SATB2: variants seen among roughly 807,000 people sequenced by gnomAD.
The protein encoded by SATB2 is DNA-binding protein SATB2.
Under a neutral mutation model 73.4 loss-of-function variants are expected in SATB2, and 1 was observed. That is an observed-to-expected ratio of 0.01 (90% CI 0.00 to 0.06). SATB2 has a LOEUF of 0.06. SATB2 is among the 10% of genes least tolerant of loss of function. The pLI, the probability that SATB2 is intolerant of heterozygous loss-of-function variation, is 1.00. For synonymous variants in SATB2, 397 were observed against 367.0 expected (o/e 1.08, Z -0.93); for missense variants, 459 against 945.8 (o/e 0.49, Z 6.75).
chr2:199,419,977 A>G (rs1691116038), intron 3 of SATB2, among the ~76,000 whole-genome samples: 1 of 152,230 alleles, frequency 6.6e-6, no homozygotes, highest in African/African-American at 2.4e-5. Context: ...TTAGGTCAGG[A>G]CTTACAGGGA....
intron 5 of SATB2, among the ~76,000 whole-genome samples, chr2:199,372,032 C>T (rs1689464535): frequency 6.6e-6 from 1 of 152,004 alleles, no homozygotes; most frequent in Non-Finnish European, 1.5e-5. Flanking sequence ...CCACAAACAC[C>T]ACCACATAAA....
intron 9 of SATB2, among the ~76,000 whole-genome samples, chr2:199,317,655 C>T (rs1361563234): frequency 1.3e-5 from 2 of 151,950 alleles, no homozygotes; most frequent in African/African-American, 4.8e-5. Flanking sequence ...AGGCATGAAA[C>T]ATTAACATAA....
chr2:199,444,888 G>A (rs1210589996), intron 2 of SATB2, among the ~76,000 whole-genome samples: 1 of 152,140 alleles, frequency 6.6e-6, no homozygotes, highest in African/African-American at 2.4e-5. Flanking sequence ...TTTTCAAAGA[G>A]CAAGCCTGTG....
rs376155386 is a variant in SATB2, at chr2:199,397,072, T to C, written c.347-15252A>G. On this transcript the variant is annotated intron_variant, in intron 3 of 10. Coordinates refer to ENST00000417098, the MANE Select transcript of SATB2 (RefSeq NM_001172509.2). The stretch of plus-strand genomic sequence containing the variant: ...GTAGGCAGAGATCACAAATGTTTAA[T>C]TAAAAAAAAAAAAAGTCATGTACTT... 3 of 150,202 alleles carry C rather than the reference T, an allele frequency of 2.0e-5. No homozygotes were observed. In the South Asian group the frequency reaches 6.3e-4, roughly 31 times the overall value. The allele number at this position is 150,202 out of a possible 1,614,324, so 9.3% of individuals were successfully genotyped here. A position where few individuals can be genotyped will look rare whatever the true frequency, so the allele number is the denominator to read the frequency against.
In SATB2 at chr2:199,337,135, C is replaced by T. The variant is rs78522390; in HGVS notation, c.1174-8225G>A. Among the ~76,000 whole-genome samples the T allele has an allele frequency of 4.5e-3, 691 of 152,132 alleles. 3 individuals carry two copies. Among genetic ancestry groups the T allele is most frequent in the African/African-American group, 0.016 (646 of 41,508 alleles). ...GACACTCTAGTTATATTTTGCTAAA[C>T]GTCTTCTCATAGAGAAGGCAGAAAA... is the stretch of plus-strand genomic sequence containing the variant. On this transcript the variant is annotated intron_variant, in intron 7 of 10. Coordinates refer to ENST00000417098, the MANE Select transcript of SATB2 (RefSeq NM_001172509.2).
chr2:199,424,900 A>T (rs1691280724), intron 3 of SATB2, among the ~76,000 whole-genome samples: 1 of 152,232 alleles, frequency 6.6e-6, no homozygotes, highest in Non-Finnish European at 1.5e-5. Flanking sequence ...ATATATCAAA[A>T]AAGTAACAGC....
intron 3 of SATB2, among the ~76,000 whole-genome samples, chr2:199,398,522 A>T (rs537005988): frequency 6.6e-6 from 1 of 152,254 alleles, no homozygotes; most frequent in Admixed American, 6.5e-5. Flanking sequence ...GAAAACATTA[A>T]GTTTTTCCTC....
At chr2:199,282,782 A>G (rs1486985064) in intron 10 of SATB2, among the ~76,000 whole-genome samples, 1 of 152,200 alleles carries the variant, frequency 6.6e-6, no homozygotes, top group East Asian at 1.9e-4. Context: ...CACCCCACAG[A>G]TCTACAAATA....
intron 5 of SATB2, among the ~76,000 whole-genome samples, chr2:199,376,693 T>C (rs1363793001): frequency 4.6e-5 from 7 of 152,126 alleles, no homozygotes; most frequent in East Asian, 1.9e-4. Context: ...TTGTGGACAG[T>C]CCATCTAGTG....
chr2:199,337,892 G>A (rs540846039), intron 7 of SATB2, among the ~76,000 whole-genome samples: 8 of 152,212 alleles, frequency 5.3e-5, no homozygotes, highest in East Asian at 1.9e-4. Context: ...AAAGGAAAAC[G>A]CCTTGTATAT....
At chr2:199,318,351 ACTTTGAT>A (rs1457794391) in intron 9 of SATB2, among the ~76,000 whole-genome samples, 3 of 152,012 alleles carry the variant, frequency 2.0e-5, no homozygotes, top group African/African-American at 7.3e-5. Flanking sequence ...AAATGGCAAA[ACTTTGAT>A]CTTTGTGCAA....
chr2:199,297,420 T>A (rs1001507470), intron 10 of SATB2, among the ~76,000 whole-genome samples: 2 of 152,080 alleles, frequency 1.3e-5, no homozygotes, highest in African/African-American at 4.8e-5. Context: ...GGAAGAGTCA[T>A]ACATGTGAAA....
chr2:199,372,588 C>T (rs1249516610), intron 5 of SATB2, among the ~76,000 whole-genome samples: 1 of 152,088 alleles, frequency 6.6e-6, no homozygotes, highest in African/African-American at 2.4e-5. Flanking sequence ...AGTCAAATAG[C>T]ACTGGGAGGC....
At chr2:199,282,028 C>T (rs1174651184) in intron 10 of SATB2, among the ~76,000 whole-genome samples, 3 of 151,904 alleles carry the variant, frequency 2.0e-5, no homozygotes, top group East Asian at 1.9e-4. Flanking sequence ...ACTACAGGTG[C>T]CCACCGCCAC....
At chr2:199,319,239 A>C (rs1574501197) in intron 9 of SATB2, among the ~76,000 whole-genome samples, 1 of 151,762 alleles carries the variant, frequency 6.6e-6, no homozygotes, top group African/African-American at 2.4e-5. Flanking sequence ...AGGAAGAAAA[A>C]CTCTCTCATT....
At chr2:199,444,182 G>A (rs976311377) in intron 2 of SATB2, among the ~76,000 whole-genome samples, 1 of 151,708 alleles carries the variant, frequency 6.6e-6, no homozygotes, top group Non-Finnish European at 1.5e-5. Flanking sequence ...AAAAATGAAA[G>A]AGACTATTTA....
At chr2:199,403,538 T>C (rs1461246430) in intron 3 of SATB2, among the ~76,000 whole-genome samples, 4 of 152,200 alleles carry the variant, frequency 2.6e-5, no homozygotes, top group African/African-American at 9.7e-5. Flanking sequence ...CTTCACATCA[T>C]TTTGTATTTT....
At chr2:199,454,655 G>GAT (rs1692222041) in intron 2 of SATB2, among the ~76,000 whole-genome samples, 1 of 152,090 alleles carries the variant, frequency 6.6e-6, no homozygotes, top group East Asian at 1.9e-4. Context: ...CAAGTGAGAC[G>GAT]ATTAATATGA....
intron 2 of SATB2, among the ~76,000 whole-genome samples, chr2:199,449,545 C>T (rs1226828244): frequency 6.6e-6 from 1 of 152,070 alleles, no homozygotes; most frequent in African/African-American, 2.4e-5. Flanking sequence ...TGGTTAATTG[C>T]TAACAATAAA....
Sources: gnomAD v4.1 joint callset for allele counts (sites outside exome capture counted in the v4.1 genomes callset) on GRCh38, gnomAD v4.1.1 for gene constraint, MANE v1.5 for transcripts, NCBI Gene and HGNC (gene_info 2026-07-23, HGNC 2026-07-21) for gene names.